DENND1A: variants seen among roughly 807,000 people sequenced by gnomAD.
The protein encoded by DENND1A is DENN domain-containing protein 1A.
Under a neutral mutation model 113.7 loss-of-function variants are expected in DENND1A, and 51 were observed. That is an observed-to-expected ratio of 0.45 (90% CI 0.36 to 0.57). The LOEUF (loss-of-function observed/expected upper bound fraction) is 0.57. DENND1A is among the 20% of genes least tolerant of loss of function. The pLI, the probability that DENND1A is intolerant of heterozygous loss-of-function variation, is 0.00. For missense variants in DENND1A, 1,258 were observed against 1,395.9 expected (o/e 0.90, Z 1.57); for synonymous variants, 565 against 570.8 (o/e 0.99, Z 0.14).
chr9:123,604,953 T>C (rs1233409211), intron 11 of DENND1A, among the ~76,000 whole-genome samples: 1 of 152,190 alleles, frequency 6.6e-6, no homozygotes, highest in Non-Finnish European at 1.5e-5. Context: ...GCTGGGCATC[T>C]GATAGGCATT....
intron 5 of DENND1A, among the ~76,000 whole-genome samples, chr9:123,703,823 C>CTT (rs1200235803): frequency 1.4e-4 from 22 of 151,994 alleles, no homozygotes; most frequent in Non-Finnish European, 2.1e-4. Flanking sequence ...GTTGGGGTGA[C>CTT]TAAAAAGGGG....
chr9:123,831,876 G>C (rs1359560668), intron 2 of DENND1A, among the ~76,000 whole-genome samples: 1 of 152,026 alleles, frequency 6.6e-6, no homozygotes, highest in African/African-American at 2.4e-5. Context: ...CCAGCTACTC[G>C]GGAGGCTGAG....
At chr9:123,700,132 T>C (rs2065797657) in intron 5 of DENND1A, among the ~76,000 whole-genome samples, 1 of 152,262 alleles carries the variant, frequency 6.6e-6, no homozygotes, top group Admixed American at 6.5e-5. Context: ...TACCACAATG[T>C]CTCAATTACT....
At chr9:123,398,948 C>T (rs1488684693) in intron 21 of DENND1A, among the ~76,000 whole-genome samples, 1 of 151,762 alleles carries the variant, frequency 6.6e-6, no homozygotes, top group Non-Finnish European at 1.5e-5. Context: ...GCATGTATCA[C>T]CACACCCAGC....
chr9:123,661,102 G>A (rs1007874261), intron 8 of DENND1A, among the ~76,000 whole-genome samples: 23 of 152,318 alleles, frequency 1.5e-4, no homozygotes, highest in African/African-American at 5.1e-4. Flanking sequence ...GCACAGCACC[G>A]AGCATTCAGC....
chr9:123,710,212 G>A (rs560733571), intron 5 of DENND1A, among the ~76,000 whole-genome samples: 4 of 152,302 alleles, frequency 2.6e-5, no homozygotes, highest in South Asian at 2.1e-4. Context: ...TTTAAAAAGT[G>A]TGTGCGTCTA....
intron 12 of DENND1A, among the ~76,000 whole-genome samples, chr9:123,567,651 A>C (rs1479846618): frequency 6.6e-6 from 1 of 152,248 alleles, no homozygotes; most frequent in South Asian, 2.1e-4. Flanking sequence ...ACTATAATTA[A>C]TTCTACAGAT....
intron 13 of DENND1A, among the ~76,000 whole-genome samples, chr9:123,557,353 C>A (rs984850619): frequency 6.6e-6 from 1 of 152,198 alleles, no homozygotes; most frequent in African/African-American, 2.4e-5. Flanking sequence ...CAGGGCATAA[C>A]AGCCCCCAGA....
chr9:123,544,008 T>C (rs1017312380), intron 13 of DENND1A, among the ~76,000 whole-genome samples: 2 of 152,260 alleles, frequency 1.3e-5, no homozygotes, highest in African/African-American at 4.8e-5. Flanking sequence ...TTGACTATAA[T>C]AGACTTCAAA....
intron 2 of DENND1A, among the ~76,000 whole-genome samples, chr9:123,819,765 T>C (rs1838162463): frequency 6.6e-6 from 1 of 152,198 alleles, no homozygotes; most frequent in African/African-American, 2.4e-5. Context: ...CTCAAACTCC[T>C]GGCCTCAGGT....
intron 10 of DENND1A, among the ~76,000 whole-genome samples, chr9:123,621,285 A>C: frequency 6.6e-6 from 1 of 151,640 alleles, no homozygotes; most frequent in Middle Eastern, 3.2e-3. Flanking sequence ...CCCCAGGTTC[A>C]AGCAATTCTC....
At chr9:123,402,604 C>A in intron 21 of DENND1A, 1 of 534,816 alleles carries the variant, frequency 1.9e-6, no homozygotes, top group South Asian at 1.4e-5. Flanking sequence ...AACTCATGCA[C>A]TTTTTCAAGG....
intron 3 of DENND1A, among the ~76,000 whole-genome samples, chr9:123,781,537 C>T (rs1809080187): frequency 6.6e-6 from 1 of 152,182 alleles, no homozygotes; most frequent in Admixed American, 6.5e-5. Flanking sequence ...CAAACTTCTT[C>T]TTCCTCATAC....
At chr9:123,418,714 T>C (rs1385042782) in intron 19 of DENND1A, among the ~76,000 whole-genome samples, 2 of 152,188 alleles carry the variant, frequency 1.3e-5, no homozygotes, top group Non-Finnish European at 1.5e-5. Flanking sequence ...AAGCAGCCGC[T>C]GCACACTCAC....
chr9:123,383,972 G>C (rs576783467), intron 22 of DENND1A, 59 bp from the exon 23 acceptor site: 3 of 1,564,714 alleles, frequency 1.9e-6, no homozygotes, highest in Non-Finnish European at 2.6e-6. Flanking sequence ...AGGAGCAAGC[G>C]GACTCCAGCC....
chr9:123,711,505 GTATATATGTATATA>G (rs1246522252), intron 5 of DENND1A, among the ~76,000 whole-genome samples: 8 of 62,558 alleles, frequency 1.3e-4, no homozygotes, highest in Non-Finnish European at 1.9e-4. Flanking sequence ...ATATATATAT[GTATATATGTATATA>G]TATATATATA....
chr9:123,882,704 A>G (rs1321486128), intron 1 of DENND1A, among the ~76,000 whole-genome samples: 3 of 152,148 alleles, frequency 2.0e-5, no homozygotes, highest in Non-Finnish European at 2.9e-5. Context: ...AGTTCAGGTT[A>G]TGTCACTTCT....
At chr9:123,773,008 T>C (rs1404273066) in intron 3 of DENND1A, among the ~76,000 whole-genome samples, 2 of 152,176 alleles carry the variant, frequency 1.3e-5, no homozygotes, top group East Asian at 3.8e-4. Flanking sequence ...TCAAAATAAA[T>C]GAGACAAGAA....
intron 19 of DENND1A, among the ~76,000 whole-genome samples, chr9:123,432,797 CAT>C (rs1405684116): frequency 5.3e-5 from 8 of 152,246 alleles, no homozygotes; most frequent in Admixed American, 1.3e-4. Flanking sequence ...CTTCTTTCCA[CAT>C]GTTTGACTCA....
Sources: allele counts gnomAD v4.1 joint callset (sites outside exome capture counted in the v4.1 genomes callset), GRCh38; gene constraint gnomAD v4.1.1; transcripts MANE v1.5; gene names NCBI Gene and HGNC (gene_info 2026-07-23, HGNC 2026-07-21).